Variants in PCYT2 observed in about 807,000 individuals in gnomAD.
The protein encoded by PCYT2 is ethanolamine-phosphate cytidylyltransferase.
PCYT2 carries 33 observed loss-of-function variants against 50.0 expected under a neutral mutation model. The ratio of observed to expected loss-of-function variants is 0.66; its 90% confidence interval spans 0.50 to 0.88. The LOEUF is 0.88. Among genes scored for constraint, PCYT2 ranks in the 40% least tolerant of loss-of-function variants. The pLI, the probability that PCYT2 is intolerant of heterozygous loss-of-function variation, is 0.00. For synonymous variants in PCYT2, 240 were observed against 203.7 expected (o/e 1.18, Z -1.52); for missense variants, 430 against 519.7 (o/e 0.83, Z 1.68).
In PCYT2 at chr17:81,901,105, A is replaced by G. The variant is rs2039938297; in HGVS notation, c.*3728T>C. On this transcript the variant is annotated 3_prime_UTR_variant, in exon 13 of 13. Coordinates refer to ENST00000538936, the MANE Select transcript of PCYT2 (RefSeq NM_002861.5). ...TAGAGAAGCCGATAGTGCAGCCTTC[A>G]TCCTGTGGCCAAAGGCTGCAGAGCC... The G allele has an allele frequency of 6.6e-6, 1 of 152,240 alleles. No homozygotes were observed. The highest frequency in any genetic ancestry group is 2.1e-4 in the South Asian group (1 of 4,834). The allele number at this position is 152,240 out of a possible 1,614,324, so 9.4% of individuals were successfully genotyped here.
intron 1 of PCYT2, among the ~76,000 whole-genome samples, chr17:81,910,379 A>T (rs569055015): frequency 1.4e-4 from 22 of 152,242 alleles, no homozygotes; most frequent in Non-Finnish European, 3.1e-4. Context: ...CACAGTGCAC[A>T]GAGTTGCTCC....
Position 81,908,983 on chromosome 17 carries a change from T to C in PCYT2, c.233A>G (p.Lys78Arg). 1 of 1,614,052 alleles carries C rather than the reference T, an allele frequency of 6.2e-7. No homozygotes were observed. The highest frequency in any genetic ancestry group is 8.5e-7 in the Non-Finnish European group (1 of 1,180,002). ...PPVFTQEERY[K>R]MVQAIKWVDE... ...CACCCATTTGATGGCCTGCACCATC[T>C]TGTATCTCTCCTCCTGAGTGAACAC... Residue 78 changes from lysine to arginine, a missense_variant, in exon 3 of 13, where the codon AAG becomes AGG. This residue lies in a region of PCYT2 where 117 missense variants were observed against 163.9 expected (regional missense o/e 0.71). Transcript: ENST00000538936.
Position 81,906,833 on chromosome 17 carries a change from G to A in PCYT2, c.603C>T (p.Ile201=), listed in dbSNP as rs765352870. The change falls in exon 7 of 13, where the codon ATC becomes ATT. Residue 201 remains isoleucine, a synonymous_variant. Transcript: ENST00000538936. ...SQFLQTSQKI[I]QFASGKEPQP... is the part of the protein sequence containing the mutation. Reference sequence around the variant, plus strand: ...GGGGCTCCTTCCCAGAAGCAAACTGGATGATCTTCTGAGATGTCTGCAGGA... The same window carrying A: ...GGGGCTCCTTCCCAGAAGCAAACTGAATGATCTTCTGAGATGTCTGCAGGA... 2 of 1,613,366 alleles carry A rather than the reference G, an allele frequency of 1.2e-6. No individual in the cohort carries two copies. Among genetic ancestry groups the A allele is most frequent in the Non-Finnish European group, 1.7e-6 (2 of 1,179,954 alleles).
chr17:81,905,904 A>G (rs2040237897), intron 9 of PCYT2, 169 bp from the exon 10 acceptor site: 1 of 779,290 alleles, frequency 1.3e-6, no homozygotes, highest in African/African-American at 1.7e-5. Context: ...ACAAGAAGGA[A>G]CAGCATCTGG....
chr17:81,905,364 A>C lies in PCYT2; in HGVS notation c.969+18T>G. The C allele has an allele frequency of 6.4e-7, 1 of 1,551,688 alleles. No individual in the cohort carries two copies. The highest frequency in any genetic ancestry group is 1.2e-5 in the South Asian group (1 of 84,392). On this transcript the variant is annotated intron_variant, in intron 11 of 12. Transcript: ENST00000538936. The stretch of plus-strand genomic sequence containing the variant: ...CCAATGGCAACCCCTGTGCCCAGCA[A>C]GGGCCAGCATGACCCACCTGGTATG...
In PCYT2 at chr17:81,904,869, C is replaced by T. The variant is rs764925804; in HGVS notation, c.1134G>A (p.Ala378=). 31 of 1,612,636 alleles carry T rather than the reference C, an allele frequency of 1.9e-5. No homozygotes were observed. The East Asian group carries it at 3.6e-4, about 19-fold the overall frequency. Residue 378 remains alanine (A), a synonymous_variant, in exon 13 of 13, where the codon GCG becomes GCA. Transcript: ENST00000538936. ...LAFLEAARQQ[A]AQPLGERDGD... ...CATCGCGCTCCCCCAGGGGCTGTGC[C>T]GCCTGCTGCCTGGCAGCCTCCAGGA...
At chr17:81,909,064 G>A (rs750486284) in intron 2 of PCYT2, 27 bp from the exon 3 acceptor site, 35 of 1,603,584 alleles carry the variant, frequency 2.2e-5, no homozygotes, top group Non-Finnish European at 2.9e-5. Context: ...GGGGAGACTG[G>A]GGACCCCAGC....
At position 81,905,661 on chromosome 17, in the gene PCYT2, G is replaced by A; in HGVS notation, c.903+9C>T. 1 of 1,611,232 alleles carries A rather than the reference G, an allele frequency of 6.2e-7. No individual in the cohort carries two copies. Among genetic ancestry groups the A allele is most frequent in the Non-Finnish European group, 8.5e-7 (1 of 1,177,870 alleles). Reference sequence around the variant, plus strand: ...AGAGGGAACGAGGTGAGCCCATGCGGAGCCTCACCTTGAAGTGACTTAGGA... The same window carrying A: ...AGAGGGAACGAGGTGAGCCCATGCGAAGCCTCACCTTGAAGTGACTTAGGA... On this transcript the variant is annotated intron_variant, in intron 10 of 12. Coordinates refer to ENST00000538936, the MANE Select transcript of PCYT2 (RefSeq NM_002861.5).
At chr17:81,905,190 C>A in intron 11 of PCYT2, 36 bp from the exon 12 acceptor site, 1 of 1,549,962 alleles carries the variant, frequency 6.5e-7, no homozygotes, top group East Asian at 2.3e-5. Context: ...GATGAAGGTC[C>A]CTGCTGACCT....
In PCYT2 at chr17:81,901,977, T is replaced by A. The variant is rs1598308821; in HGVS notation, c.*2856A>T. 1.8e-5 allele frequency: 4 copies of A among 217,162 alleles called. No homozygotes were observed. Among genetic ancestry groups the A allele is most frequent in the Non-Finnish European group, 2.7e-5 (3 of 111,168 alleles). 13.5% of individuals were successfully genotyped at this position (217,162 alleles called of 1,614,324 possible). A position where few individuals can be genotyped will look rare whatever the true frequency, so the allele number is the denominator to read the frequency against. On this transcript the variant is annotated 3_prime_UTR_variant, in exon 13 of 13. Coordinates refer to ENST00000538936, the MANE Select transcript of PCYT2 (RefSeq NM_002861.5). ...CCCGTGGGCCCTCCCCTGCTGCCAC[T>A]GCGGCCCACGCAAGCCGGGCCTGAA...
At chr17:81,909,349 G>T in intron 2 of PCYT2, 165 bp downstream of exon 2, 1 of 1,431,076 alleles carries the variant, frequency 7.0e-7, no homozygotes, top group Non-Finnish European at 9.2e-7. Context: ...AGATGGGAAA[G>T]GCATTAGGCC....
chr17:81,907,192 C>T, intron 6 of PCYT2: 1 of 1,527,156 alleles, frequency 6.5e-7, no homozygotes, highest in Non-Finnish European at 8.8e-7. Flanking sequence ...CCTGAGACCA[C>T]TGTCTGGTCA....
chr17:81,908,490 G>A (rs553955489), intron 4 of PCYT2, 78 bp downstream of exon 4: 22 of 1,152,324 alleles, frequency 1.9e-5, no homozygotes, highest in Admixed American at 3.6e-5. Flanking sequence ...ACGGGCTCCC[G>A]GTAAATAGCA....
rs780524312 is a variant in PCYT2, at chr17:81,902,603, G to T, written c.*2230C>A. 7.1e-6 allele frequency: 11 copies of T among 1,558,256 alleles called. 1 individual carries two copies. The South Asian group carries it at 1.2e-4, about 17-fold the overall frequency. On this transcript the variant is annotated 3_prime_UTR_variant, in exon 13 of 13. Coordinates refer to ENST00000538936, the MANE Select transcript of PCYT2 (RefSeq NM_002861.5). ...GGGGTGCGGCGGCCCCTCAGCCTTTGCTTGCCTGCCCCCCAGGCTGTGTGC... is the reference window on the plus strand; with the variant it reads ...GGGGTGCGGCGGCCCCTCAGCCTTTTCTTGCCTGCCCCCCAGGCTGTGTGC...
At chr17:81,905,542 C>T in intron 10 of PCYT2, 95 bp from the exon 11 acceptor site, 2 of 1,438,590 alleles carry the variant, frequency 1.4e-6, no homozygotes, top group South Asian at 1.2e-5. Flanking sequence ...GGAGAGCTGA[C>T]CCTGCCCTTT....
Position 81,902,848 on chromosome 17 carries a change from C to T in PCYT2, c.*1985G>A. 9.6e-7 allele frequency: 1 copy of T among 1,044,202 alleles called. No homozygotes were observed. The highest frequency in any genetic ancestry group is 1.3e-6 in the Non-Finnish European group (1 of 742,404). The allele number at this position is 1,044,202 out of a possible 1,614,324, so 64.7% of individuals were successfully genotyped here. ...CGCGGGATGGCGCCCCAGGTCTCCCCTACTCCGCTCACCCCGCAGTTAATG... is the reference window on the plus strand; with the variant it reads ...CGCGGGATGGCGCCCCAGGTCTCCCTTACTCCGCTCACCCCGCAGTTAATG... On this transcript the variant is annotated 3_prime_UTR_variant, in exon 13 of 13. Coordinates refer to ENST00000538936, the MANE Select transcript of PCYT2 (RefSeq NM_002861.5).
intron 4 of PCYT2, 94 bp from the exon 5 acceptor site, chr17:81,907,951 T>C (rs1349273434): frequency 9.6e-7 from 1 of 1,042,228 alleles, no homozygotes; most frequent in East Asian, 2.4e-5. Context: ...AGCCCTGCTG[T>C]GGCAGAACCC....
intron 4 of PCYT2, 79 bp downstream of exon 4, chr17:81,908,489 C>T (rs1347511532): frequency 9.7e-6 from 11 of 1,138,568 alleles, no homozygotes; most frequent in South Asian, 5.1e-5. Context: ...CACGGGCTCC[C>T]GGTAAATAGC....
In PCYT2 at chr17:81,902,782, C is replaced by A; in HGVS notation, c.*2051G>T. ...CTCTCCTGGCACCGCTGGGGGCCCCCCGCCCCCACCGTCCCACTCGGTGAC... is the reference window on the plus strand; with the variant it reads ...CTCTCCTGGCACCGCTGGGGGCCCCACGCCCCCACCGTCCCACTCGGTGAC... On this transcript the variant is annotated 3_prime_UTR_variant, in exon 13 of 13. Coordinates refer to ENST00000538936, the MANE Select transcript of PCYT2 (RefSeq NM_002861.5). 1 of 1,570,160 alleles carries A rather than the reference C, an allele frequency of 6.4e-7. No homozygotes were observed.
Sources: gnomAD v4.1 joint callset for allele counts (sites outside exome capture counted in the v4.1 genomes callset) on GRCh38, gnomAD v4.1.1 for gene constraint, gnomAD v4.1.1 regional missense constraint, MANE v1.5 for transcripts, NCBI Gene and HGNC (gene_info 2026-07-23, HGNC 2026-07-21) for gene names.